PIK3CB: variants seen among roughly 807,000 people sequenced by gnomAD.
PIK3CB encodes the protein phosphatidylinositol 4,5-bisphosphate 3-kinase catalytic subunit beta isoform.
In PIK3CB, 39 loss-of-function variants were observed where a neutral mutation model predicts 136.8. The ratio of observed to expected loss-of-function variants is 0.29; its 90% confidence interval spans 0.22 to 0.37. The LOEUF (loss-of-function observed/expected upper bound fraction) is 0.37. Ranked by LOEUF, PIK3CB falls within the 10% of genes least tolerant of loss-of-function variation. The pLI, the probability that PIK3CB is intolerant of heterozygous loss-of-function variation, is 1.00. For missense variants in PIK3CB, 868 were observed against 1,275.4 expected (o/e 0.68, Z 4.87); for synonymous variants, 428 against 436.6 (o/e 0.98, Z 0.25).
chr3:138,801,564 TA>T (rs201099134), intron 1 of PIK3CB, among the ~76,000 whole-genome samples: 2 of 149,930 alleles, frequency 1.3e-5, no homozygotes, highest in Non-Finnish European at 3.0e-5. Flanking sequence ...ATCTCGTCTC[TA>T]AAAAAAAATA....
At chr3:138,737,394 C>CAAAAAAAAAAAA (rs11344311) in intron 6 of PIK3CB, among the ~76,000 whole-genome samples, 1 of 39,076 alleles carries the variant, frequency 2.6e-5, no homozygotes, top group African/African-American at 1.1e-4. Flanking sequence ...CACTCTGTCT[C>CAAAAAAAAAAAA]AAAAAAAAAA....
At chr3:138,706,908 G>A (rs1285496295) in intron 11 of PIK3CB, among the ~76,000 whole-genome samples, 4 of 152,108 alleles carry the variant, frequency 2.6e-5, no homozygotes, top group African/African-American at 7.2e-5. Flanking sequence ...CACCCACCTC[G>A]GGCTCCCAAA....
Position 138,678,936 on chromosome 3 carries a change from C to T in PIK3CB, c.2504+3031G>A, listed in dbSNP as rs551463863. Among the ~76,000 whole-genome samples, 7 of 152,080 alleles carry T rather than the reference C, an allele frequency of 4.6e-5. No individual in the cohort carries two copies. The South Asian group carries it at 1.2e-3, about 27-fold the overall frequency. On this transcript the variant is annotated intron_variant, in intron 19 of 23. Coordinates refer to ENST00000674063, the MANE Select transcript of PIK3CB (RefSeq NM_006219.3). Reference sequence around the variant, plus strand: ...CAAAAATTAACCAAGCCTGGTGACCCGTGCCTGTAATCCCAGCTACTCGGG... The same window carrying T: ...CAAAAATTAACCAAGCCTGGTGACCTGTGCCTGTAATCCCAGCTACTCGGG...
intron 19 of PIK3CB, among the ~76,000 whole-genome samples, chr3:138,665,838 G>A (rs982625421): frequency 6.6e-6 from 1 of 152,148 alleles, no homozygotes; most frequent in Admixed American, 6.5e-5. Context: ...CCAAAGTGCT[G>A]GGATTACAGG....
At chr3:138,673,684 CACACACACACGT>C (rs1219235001) in intron 19 of PIK3CB, among the ~76,000 whole-genome samples, 2 of 151,956 alleles carry the variant, frequency 1.3e-5, no homozygotes, top group Admixed American at 6.6e-5. Context: ...TTATTTAAAA[CACACACACACGT>C]ACACACACAC....
chr3:138,814,179 CAT>C (rs1227616897), intron 1 of PIK3CB, among the ~76,000 whole-genome samples: 7 of 152,102 alleles, frequency 4.6e-5, no homozygotes, highest in African/African-American at 1.7e-4. Flanking sequence ...CCAAGACAGT[CAT>C]AGAAAGATTG....
chr3:138,783,271 G>C (rs1401734742), intron 2 of PIK3CB, among the ~76,000 whole-genome samples: 2 of 152,008 alleles, frequency 1.3e-5, no homozygotes, highest in African/African-American at 4.8e-5. Flanking sequence ...CAGATAAAGA[G>C]GGTGATTTTT....
At chr3:138,668,624 GA>G (rs1353696817) in intron 19 of PIK3CB, among the ~76,000 whole-genome samples, 9 of 152,280 alleles carry the variant, frequency 5.9e-5, no homozygotes, top group African/African-American at 2.2e-4. Flanking sequence ...ACAACACGGG[GA>G]TGGCAGCTCC....
At chr3:138,797,340 T>C (rs1462231311) in intron 1 of PIK3CB, 1 of 152,116 alleles carries the variant, frequency 6.6e-6, no homozygotes, top group Non-Finnish European at 1.5e-5. Flanking sequence ...TTTTCAAAAA[T>C]TAAGAATTTC....
chr3:138,789,815 C>T (rs766051528), intron 2 of PIK3CB, among the ~76,000 whole-genome samples: 3 of 151,850 alleles, frequency 2.0e-5, no homozygotes, highest in South Asian at 4.2e-4. Flanking sequence ...CTCAGCCTCC[C>T]GAGTAGGTGG....
At chr3:138,729,836 T>C (rs1435206472) in intron 8 of PIK3CB, among the ~76,000 whole-genome samples, 2 of 152,228 alleles carry the variant, frequency 1.3e-5, no homozygotes, top group Non-Finnish European at 2.9e-5. Flanking sequence ...AATATAGATA[T>C]AGCTATACAT....
At chr3:138,707,754 C>G (rs1202950568) in intron 10 of PIK3CB, 1 of 161,824 alleles carries the variant, frequency 6.2e-6, no homozygotes, top group Non-Finnish European at 1.3e-5. Flanking sequence ...CTTTATTATC[C>G]TGCAACTGCT....
At chr3:138,761,743 C>G (rs971605184) in intron 2 of PIK3CB, among the ~76,000 whole-genome samples, 2 of 152,178 alleles carry the variant, frequency 1.3e-5, no homozygotes, top group East Asian at 3.9e-4. Flanking sequence ...GCACTCCAGC[C>G]TGGGCAACAC....
intron 19 of PIK3CB, among the ~76,000 whole-genome samples, chr3:138,667,270 G>A (rs1405063087): frequency 6.7e-6 from 1 of 149,988 alleles, no homozygotes; most frequent in Non-Finnish European, 1.5e-5. Context: ...CTGGAGGAGA[G>A]CACAAGGGGG....
At chr3:138,694,968 T>C (rs1386194468) in intron 13 of PIK3CB, 61 bp from the exon 14 acceptor site, 5 of 1,521,664 alleles carry the variant, frequency 3.3e-6, no homozygotes, top group Non-Finnish European at 3.5e-6. Context: ...TAATTTTCCT[T>C]GACACACAGG....
At chr3:138,667,337 C>T (rs2043433995) in intron 19 of PIK3CB, among the ~76,000 whole-genome samples, 1 of 151,878 alleles carries the variant, frequency 6.6e-6, no homozygotes, top group African/African-American at 2.4e-5. Flanking sequence ...ATGCAGGTTC[C>T]TGTTGGCCAT....
intron 8 of PIK3CB, among the ~76,000 whole-genome samples, chr3:138,731,780 C>T (rs931783967): frequency 4.0e-5 from 6 of 151,578 alleles, no homozygotes; most frequent in African/African-American, 7.3e-5. Context: ...GTCAGGAGTT[C>T]GAGACCAGCC....
intron 4 of PIK3CB, 119 bp downstream of exon 4, chr3:138,755,635 C>A: frequency 1.9e-6 from 1 of 529,728 alleles, no homozygotes; most frequent in South Asian, 3.0e-5. Context: ...CAACAATTTA[C>A]AGATCAGCAG....
intron 1 of PIK3CB, among the ~76,000 whole-genome samples, chr3:138,797,631 A>C (rs895613888): frequency 9.9e-5 from 15 of 152,222 alleles, no homozygotes; most frequent in Admixed American, 7.2e-4. Flanking sequence ...CAAAAGTAAG[A>C]AAATTGGTGA....
Sources: gnomAD v4.1 joint callset for allele counts (sites outside exome capture counted in the v4.1 genomes callset) on GRCh38, gnomAD v4.1.1 for gene constraint, MANE v1.5 for transcripts, NCBI Gene and HGNC (gene_info 2026-07-23, HGNC 2026-07-21) for gene names.